Variants in SYNDIG1 observed in about 807,000 individuals in gnomAD.
SYNDIG1 encodes the protein synapse differentiation-inducing gene protein 1.
Under a neutral mutation model 19.4 loss-of-function variants are expected in SYNDIG1, and 9 were observed. The ratio of observed to expected loss-of-function variants is 0.46; its 90% confidence interval spans 0.28 to 0.81. The LOEUF (loss-of-function observed/expected upper bound fraction) is 0.81. Ranked by LOEUF, SYNDIG1 falls within the 30% of genes least tolerant of loss-of-function variation. The pLI is 0.12. For synonymous variants in SYNDIG1, 141 were observed against 145.9 expected (o/e 0.97, Z 0.24); for missense variants, 311 against 343.3 (o/e 0.91, Z 0.74).
At chr20:24,587,188 T>C (rs927757529) in intron 3 of SYNDIG1, among the ~76,000 whole-genome samples, 7 of 152,212 alleles carry the variant, frequency 4.6e-5, no homozygotes, top group Non-Finnish European at 1.0e-4. Context: ...GGTGTAGGTG[T>C]TGCCTTCACT....
At chr20:24,543,726 CTT>C in intron 2 of SYNDIG1, 149 bp downstream of exon 2, 7 of 1,125,396 alleles carry the variant, frequency 6.2e-6, no homozygotes, top group Non-Finnish European at 8.8e-6. Context: ...GCCCTTCACT[CTT>C]GAGTGCTTAT....
At chr20:24,530,019 ATGGTCGTGGT>A (rs1568614879) in intron 1 of SYNDIG1, among the ~76,000 whole-genome samples, 25 of 1,234 alleles carry the variant, frequency 0.02, 3 homozygotes, top group South Asian at 0.1. Flanking sequence ...AATGATGGTG[ATGGTCGTGGT>A]GATGGTGGTA....
chr20:24,510,108 C>CCTGTA (rs2056703928), intron 1 of SYNDIG1, among the ~76,000 whole-genome samples: 1 of 152,180 alleles, frequency 6.6e-6, no homozygotes, highest in South Asian at 2.1e-4. Flanking sequence ...AATGCCAGCA[C>CCTGTA]CATGCTTCCT....
At chr20:24,549,342 T>A (rs2146780070) in intron 2 of SYNDIG1, among the ~76,000 whole-genome samples, 1 of 152,286 alleles carries the variant, frequency 6.6e-6, no homozygotes, top group East Asian at 1.9e-4. Flanking sequence ...CTTATTTCAT[T>A]TAACATAATG....
At chr20:24,513,207 A>G (rs1227475686) in intron 1 of SYNDIG1, among the ~76,000 whole-genome samples, 2 of 152,224 alleles carry the variant, frequency 1.3e-5, no homozygotes, top group Non-Finnish European at 2.9e-5. Flanking sequence ...AACATTTTAA[A>G]AATCGAGCAC....
At chr20:24,512,508 C>T (rs1043428890) in intron 1 of SYNDIG1, among the ~76,000 whole-genome samples, 2 of 151,974 alleles carry the variant, frequency 1.3e-5, no homozygotes, top group Admixed American at 6.6e-5. Flanking sequence ...TGCCTGGCTC[C>T]GAGGGTCCCA....
intron 3 of SYNDIG1, among the ~76,000 whole-genome samples, chr20:24,631,070 G>T (rs1403454609): frequency 6.6e-6 from 1 of 152,196 alleles, no homozygotes; most frequent in African/African-American, 2.4e-5. Context: ...GTTATGGAGG[G>T]CAATGACAGG....
At chr20:24,609,221 C>T (rs1365695162) in intron 3 of SYNDIG1, among the ~76,000 whole-genome samples, 2 of 152,214 alleles carry the variant, frequency 1.3e-5, no homozygotes, top group African/African-American at 4.8e-5. Flanking sequence ...TTAGCATTTT[C>T]TGGTGCTTAG....
chr20:24,582,951 C>T (rs2058354710), intron 2 of SYNDIG1, among the ~76,000 whole-genome samples: 1 of 152,172 alleles, frequency 6.6e-6, no homozygotes, highest in African/African-American at 2.4e-5. Flanking sequence ...ACTTCAGGTC[C>T]CTGCCCTGCA....
rs1396186340 is a variant in SYNDIG1, at chr20:24,556,240, G to A, written c.480+12663G>A. ...GGTTTCCTGAATACAGCACACTGAT[G>A]GGTCTTGACTCTTTATCCAATTTGC... On this transcript the variant is annotated intron_variant, in intron 2 of 3. Coordinates refer to ENST00000376862, the MANE Select transcript of SYNDIG1 (RefSeq NM_024893.3). 3.3e-5 allele frequency among the ~76,000 whole-genome samples: 5 copies of A among 152,280 alleles called. No individual in the cohort carries two copies. In the East Asian group the frequency reaches 9.6e-4, roughly 29 times the overall value.
intron 2 of SYNDIG1, among the ~76,000 whole-genome samples, chr20:24,582,539 A>C: frequency 9.0e-6 from 1 of 110,992 alleles, no homozygotes; most frequent in African/African-American, 3.7e-5. Context: ...CACCCTCCCC[A>C]CTGCTTGTCC....
intron 3 of SYNDIG1, among the ~76,000 whole-genome samples, chr20:24,626,556 A>G (rs1245101084): frequency 2.6e-3 from 368 of 139,640 alleles, no homozygotes; most frequent in African/African-American, 9.8e-3. Flanking sequence ...CCTAGGTGGG[A>G]TGGCGGCCGG....
At chr20:24,614,202 C>T (rs892748861) in intron 3 of SYNDIG1, among the ~76,000 whole-genome samples, 5 of 152,122 alleles carry the variant, frequency 3.3e-5, no homozygotes, top group Admixed American at 2.0e-4. Context: ...TGCGGTCTCA[C>T]TATGTTGCTC....
chr20:24,538,575 T>C (rs2057406647), intron 1 of SYNDIG1, among the ~76,000 whole-genome samples: 1 of 152,178 alleles, frequency 6.6e-6, no homozygotes, highest in Non-Finnish European at 1.5e-5. Flanking sequence ...CATGCAAGTA[T>C]CTCCTCAAGA....
intron 2 of SYNDIG1, among the ~76,000 whole-genome samples, chr20:24,574,760 A>G (rs1277237219): frequency 6.6e-6 from 1 of 152,232 alleles, no homozygotes; most frequent in Non-Finnish European, 1.5e-5. Flanking sequence ...CCTGAAGTCC[A>G]GTGTACAACA....
chr20:24,583,823 C>T (rs1013867467), intron 2 of SYNDIG1, among the ~76,000 whole-genome samples: 1 of 152,076 alleles, frequency 6.6e-6, no homozygotes, highest in African/African-American at 2.4e-5. Flanking sequence ...TAAGTGGGAG[C>T]TGAATGATGA....
intron 1 of SYNDIG1, among the ~76,000 whole-genome samples, chr20:24,516,552 C>G (rs1010421316): frequency 6.6e-6 from 1 of 152,186 alleles, no homozygotes; most frequent in Admixed American, 6.5e-5. Context: ...ATGCAGCCAA[C>G]AGACACATGA....
intron 3 of SYNDIG1, among the ~76,000 whole-genome samples, chr20:24,650,346 C>T (rs1173163011): frequency 1.3e-5 from 2 of 152,200 alleles, no homozygotes; most frequent in East Asian, 1.9e-4. Context: ...TTGCCAGCTG[C>T]GCTAGAAATA....
At chr20:24,534,294 C>G (rs957733861) in intron 1 of SYNDIG1, among the ~76,000 whole-genome samples, 1 of 152,190 alleles carries the variant, frequency 6.6e-6, no homozygotes, top group African/African-American at 2.4e-5. Flanking sequence ...GGGGCCCCCT[C>G]CTCACAGCCT....
Sources: gnomAD v4.1 joint callset for allele counts (sites outside exome capture counted in the v4.1 genomes callset) on GRCh38, gnomAD v4.1.1 for gene constraint, MANE v1.5 for transcripts, NCBI Gene and HGNC (gene_info 2026-07-23, HGNC 2026-07-21) for gene names.